The following ARID1B variants were observed in gnomAD, a reference collection of about 807,000 sequenced individuals.
ARID1B encodes AT-rich interactive domain-containing protein 1B.
ARID1B carries 30 observed loss-of-function variants against 212.3 expected under a neutral mutation model. The observed-to-expected ratio is 0.14, with a 90% CI of 0.11 to 0.19. The LOEUF is 0.19. Ranked by LOEUF, ARID1B falls within the 10% of genes least tolerant of loss-of-function variation. ARID1B has a pLI of 1.00. For synonymous variants in ARID1B, 1,402 were observed against 1,301.7 expected, an observed-to-expected ratio of 1.08 and a Z score of -1.66; for missense variants, 2,891 against 3,204.0, an observed-to-expected ratio of 0.90 and a Z score of 2.36.
intron 2 of ARID1B, among the ~76,000 whole-genome samples, chr6:156,864,749 C>T (rs914024009): frequency 2.6e-5 from 4 of 152,206 alleles, no homozygotes; most frequent in Non-Finnish European, 5.9e-5. Flanking sequence ...TCCCTTCTCA[C>T]TTGGCCCTCA....
rs1313755694 is a variant in ARID1B at position 156,934,912 on chromosome 6, T to TTTTATATATA, written c.2137-553_2137-552insTTATATATAT. ...GTCTCATAATAAATTTAGTTGTTAA[T>TTTTATATATA]TATATATATATATATATATATATAT... On this transcript the variant is annotated intron_variant, in intron 3 of 19. Transcript: ENST00000636930. 3.4e-4 allele frequency among the ~76,000 whole-genome samples: 18 copies of TTTTATATATA among 52,688 alleles called. 3 individuals are homozygous for TTTTATATATA. Among genetic ancestry groups the TTTTATATATA allele is most frequent in the Admixed American group, 1.8e-3 (7 of 3,786 alleles). 34.6% of individuals were successfully genotyped at this position (52,688 alleles called of 152,430 possible).
chr6:157,143,348 C>G (rs931140520), intron 7 of ARID1B, among the ~76,000 whole-genome samples: 1 of 152,078 alleles, frequency 6.6e-6, no homozygotes, highest in Non-Finnish European at 1.5e-5. Flanking sequence ...GATTGCACTT[C>G]TCATTCCTGG....
At chr6:157,049,946 A>T (rs1348090404) in intron 4 of ARID1B, among the ~76,000 whole-genome samples, 1 of 152,316 alleles carries the variant, frequency 6.6e-6, no homozygotes, top group Non-Finnish European at 1.5e-5. Flanking sequence ...ACTTCATATC[A>T]TCATGATTTT....
chr6:157,064,880 C>G (rs562041782), intron 4 of ARID1B, among the ~76,000 whole-genome samples: 1 of 152,174 alleles, frequency 6.6e-6, no homozygotes, highest in Admixed American at 6.5e-5. Flanking sequence ...TTTCCTTCCT[C>G]TTCAGGACAA....
At chr6:157,199,601 AATT>A (rs1267738433) in intron 17 of ARID1B, among the ~76,000 whole-genome samples, 1 of 149,428 alleles carries the variant, frequency 6.7e-6, no homozygotes, top group Non-Finnish European at 1.5e-5. Context: ...TAATTATAAT[AATT>A]ATATATAATA....
At chr6:156,917,652 T>G (rs183447189) in intron 3 of ARID1B, among the ~76,000 whole-genome samples, 6 of 152,356 alleles carry the variant, frequency 3.9e-5, no homozygotes, top group Non-Finnish European at 5.9e-5. Flanking sequence ...ATGAGGTCAG[T>G]TAACAGTCAA....
At chr6:156,863,272 G>A (rs1031423880) in intron 2 of ARID1B, among the ~76,000 whole-genome samples, 4 of 152,130 alleles carry the variant, frequency 2.6e-5, no homozygotes, top group African/African-American at 9.7e-5. Flanking sequence ...ATAGAGATGA[G>A]AAGGAAAGGG....
At chr6:157,145,323 C>T (rs776647614) in intron 7 of ARID1B, among the ~76,000 whole-genome samples, 2 of 152,312 alleles carry the variant, frequency 1.3e-5, no homozygotes, top group South Asian at 4.1e-4. Context: ...TCACCACTCC[C>T]ATCTGTGTGT....
At chr6:157,052,149 G>A (rs540173022) in intron 4 of ARID1B, among the ~76,000 whole-genome samples, 1 of 152,260 alleles carries the variant, frequency 6.6e-6, no homozygotes, top group African/African-American at 2.4e-5. Flanking sequence ...TGTCTTGTAG[G>A]TGAAGCAATG....
chr6:156,890,877 G>A (rs1017208364), intron 2 of ARID1B, among the ~76,000 whole-genome samples: 1 of 152,152 alleles, frequency 6.6e-6, no homozygotes, highest in African/African-American at 2.4e-5. Flanking sequence ...GGAAATTGTG[G>A]AGTTTTTGTT....
chr6:156,847,346 G>A (rs1424911061), intron 2 of ARID1B, among the ~76,000 whole-genome samples: 4 of 152,228 alleles, frequency 2.6e-5, no homozygotes, highest in Non-Finnish European at 5.9e-5. Flanking sequence ...TAAGGGTGGG[G>A]TGGCCTTTGT....
At chr6:156,902,924 T>C (rs530143251) in intron 3 of ARID1B, among the ~76,000 whole-genome samples, 1 of 152,216 alleles carries the variant, frequency 6.6e-6, no homozygotes, top group African/African-American at 2.4e-5. Flanking sequence ...TATAACCTTT[T>C]TCAAGGGGCT....
chr6:157,098,787 T>C (rs1467860484), intron 5 of ARID1B, among the ~76,000 whole-genome samples: 1 of 152,160 alleles, frequency 6.6e-6, no homozygotes, highest in South Asian at 2.1e-4. Context: ...GAGTGGCAAG[T>C]GCAGTGGGAC....
At chr6:156,990,818 C>T (rs62422643) in intron 4 of ARID1B, among the ~76,000 whole-genome samples, 40,778 of 151,894 alleles carry the variant, frequency 0.27, 5,885 homozygotes, top group Non-Finnish European at 0.32. Context: ...ACCTTTTAAC[C>T]CTTGGTTTTA....
intron 2 of ARID1B, among the ~76,000 whole-genome samples, chr6:156,883,484 C>T (rs1787261383): frequency 6.6e-6 from 1 of 152,112 alleles, no homozygotes; most frequent in Non-Finnish European, 1.5e-5. Flanking sequence ...AGCCCTTCCT[C>T]TCCTTGCTTT....
chr6:157,160,222 G>A (rs1790841472), intron 8 of ARID1B, among the ~76,000 whole-genome samples: 1 of 152,218 alleles, frequency 6.6e-6, no homozygotes, highest in African/African-American at 2.4e-5. Context: ...TGACCTGAGA[G>A]TCCACCTGCC....
At chr6:157,039,638 CTT>C (rs1781606042) in intron 4 of ARID1B, among the ~76,000 whole-genome samples, 1 of 119,366 alleles carries the variant, frequency 8.4e-6, no homozygotes, top group African/African-American at 3.4e-5. Flanking sequence ...TCCTTCCTTC[CTT>C]CCTTCTTTCC....
intron 1 of ARID1B, 88 bp downstream of exon 1, chr6:156,779,559 C>G: frequency 5.2e-6 from 6 of 1,154,306 alleles, no homozygotes; most frequent in Non-Finnish European, 6.4e-6. Context: ...CGTACTTTTC[C>G]CCGTCTTCCC....
rs1776898644 is a variant in ARID1B at position 156,971,191 on chromosome 6, T to C, written c.2247+35615T>C. 2.0e-5 allele frequency among the ~76,000 whole-genome samples: 3 copies of C among 152,254 alleles called. No homozygotes were observed. The South Asian group carries it at 6.2e-4, about 32-fold the overall frequency. ...TGAATTCATACATTCTTGTTTCTGC[T>C]TTTACTTTCCTTGTGGTCTTGGAAA... is the stretch of plus-strand genomic sequence containing the variant. On this transcript the variant is annotated intron_variant, in intron 4 of 19. Coordinates refer to ENST00000636930, the MANE Select transcript of ARID1B (RefSeq NM_001374828.1).
Sources: allele counts gnomAD v4.1 joint callset (sites outside exome capture counted in the v4.1 genomes callset), GRCh38; gene constraint gnomAD v4.1.1; transcripts MANE v1.5; gene names NCBI Gene and HGNC (gene_info 2026-07-23, HGNC 2026-07-21).